Variants in PRRC2B observed in about 807,000 individuals in gnomAD.
PRRC2B encodes proline rich coiled-coil 2B.
Under a neutral mutation model 242.3 loss-of-function variants are expected in PRRC2B, and 68 were observed. That is an observed-to-expected ratio of 0.28 (90% CI 0.23 to 0.34). The LOEUF is 0.34. PRRC2B is among the 10% of genes least tolerant of loss of function. The pLI is 1.00. For synonymous variants in PRRC2B, 1,228 were observed against 1,173.6 expected, an observed-to-expected ratio of 1.05 and a Z score of -0.95; for missense variants, 2,835 against 2,954.8, an observed-to-expected ratio of 0.96 and a Z score of 0.94.
intron 1 of PRRC2B, among the ~76,000 whole-genome samples, chr9:131,398,946 C>T (rs1451875711): frequency 6.6e-6 from 1 of 152,012 alleles, no homozygotes; most frequent in East Asian, 1.9e-4. Context: ...CCACTGCACT[C>T]TAGCCTGGGC....
chr9:131,399,361 C>T (rs890706313), intron 1 of PRRC2B, among the ~76,000 whole-genome samples: 10 of 150,824 alleles, frequency 6.6e-5, no homozygotes, highest in Admixed American at 2.0e-4. Context: ...GGGCGGATCA[C>T]GAGGTCAGGA....
rs1944420306 is a variant in PRRC2B at position 131,499,844 on chromosome 9, T to TA, written c.*3976dup. On this transcript the variant is annotated 3_prime_UTR_variant, in exon 32 of 32. Coordinates refer to ENST00000683519, the MANE Select transcript of PRRC2B (RefSeq NM_013318.4). The stretch of plus-strand genomic sequence containing the variant: ...GCTTTTGACCTCATGCCTTGTGTAG[T>TA]AAAAAAGGATTTGGGGGTTTTGTTT... 6.6e-6 allele frequency: 1 copy of TA among 152,254 alleles called. No homozygotes were observed. The highest frequency in any genetic ancestry group is 1.5e-5 in the Non-Finnish European group (1 of 68,044). The allele number at this position is 152,254 out of a possible 1,614,324, so 9.4% of individuals were successfully genotyped here. A position where few individuals can be genotyped will look rare whatever the true frequency, so the allele number is the denominator to read the frequency against.
rs538838353 is a variant in PRRC2B, at chr9:131,475,724, C to T, written c.3595C>T (p.Arg1199Trp). 41 of 1,613,222 alleles carry T rather than the reference C, an allele frequency of 2.5e-5. No individual in the cohort carries two copies. In the East Asian group the frequency reaches 7.1e-4, roughly 28 times the overall value. ...SGLDAKSRGPRAFGRALPPRL... is the reference protein window; with the variant it reads ...SGLDAKSRGPWAFGRALPPRL... ...TCTAGATGCCAAGAGCCGAGGCCCTCGGGCCTTTGGGCGAGCCCTCCCTCC... is the reference window on the plus strand; with the variant it reads ...TCTAGATGCCAAGAGCCGAGGCCCTTGGGCCTTTGGGCGAGCCCTCCCTCC... Residue 1199 changes from arginine (R) to tryptophan (W), a missense_variant, in exon 16 of 32, where the codon CGG becomes TGG. Coordinates refer to ENST00000683519, the MANE Select transcript of PRRC2B (RefSeq NM_013318.4).
At chr9:131,407,224 A>G (rs955476923) in intron 1 of PRRC2B, among the ~76,000 whole-genome samples, 2 of 151,556 alleles carry the variant, frequency 1.3e-5, no homozygotes, top group Non-Finnish European at 2.9e-5. Context: ...TGCTGTTGAC[A>G]TGGTTGGAGG....
intron 1 of PRRC2B, among the ~76,000 whole-genome samples, chr9:131,415,581 A>G (rs779871805): frequency 1.2e-4 from 19 of 152,002 alleles, no homozygotes; most frequent in Non-Finnish European, 2.6e-4. Context: ...GTCCTTATGT[A>G]GGTCTGAAAA....
intron 14 of PRRC2B, among the ~76,000 whole-genome samples, chr9:131,472,366 G>A (rs1325171336): frequency 2.0e-5 from 3 of 151,910 alleles, no homozygotes; most frequent in African/African-American, 4.8e-5. Flanking sequence ...GTGCAGTGGT[G>A]CAATTTCAAC....
intron 1 of PRRC2B, among the ~76,000 whole-genome samples, chr9:131,420,780 G>T (rs1204922016): frequency 6.6e-6 from 1 of 151,924 alleles, no homozygotes; most frequent in Non-Finnish European, 1.5e-5. Flanking sequence ...GCCACACCTG[G>T]CCTACCCTTG....
intron 1 of PRRC2B, among the ~76,000 whole-genome samples, chr9:131,409,568 C>T (rs1019412987): frequency 2.6e-5 from 4 of 152,186 alleles, no homozygotes; most frequent in African/African-American, 9.6e-5. Context: ...AGGTAACTCG[C>T]ATGCATTTCA....
intron 5 of PRRC2B, among the ~76,000 whole-genome samples, chr9:131,443,748 C>G (rs999329526): frequency 1.3e-5 from 2 of 152,254 alleles, no homozygotes; most frequent in South Asian, 4.1e-4. Flanking sequence ...CATCTTAATC[C>G]TTTTGGGGTG....
At chr9:131,430,793 A>ATGTTAGTGAGGC (rs1838141164) in intron 2 of PRRC2B, among the ~76,000 whole-genome samples, 1 of 150,264 alleles carries the variant, frequency 6.7e-6, no homozygotes. Context: ...GGGTTTCCCC[A>ATGTTAGTGAGGC]TGTTAGTGAG....
chr9:131,487,134 G>T lies in PRRC2B; in HGVS notation c.5857-33G>T, dbSNP rs1244905186. On this transcript the variant is annotated intron_variant, in intron 26 of 31. Coordinates refer to ENST00000683519, the MANE Select transcript of PRRC2B (RefSeq NM_013318.4). This position sits in a 1 kb window ranked among gnomAD's most constrained non-coding sequence, Gnocchi z 5.3. ...AAGAACCACCTGGATGGGCCTTGCG[G>T]TTACCTCCCCGACCCCGTTTTCCCG... 1 of 1,609,774 alleles carries T rather than the reference G, an allele frequency of 6.2e-7. No individual in the cohort carries two copies.
In PRRC2B at chr9:131,476,888, C is replaced by G. The variant is rs894299637; in HGVS notation, c.4406+353C>G. ...GTGCCGGTCAGTCCACCAGAGTCCT[C>G]TGCTCCGGAGTTGCTGCCAGGCGGC... On this transcript the variant is annotated intron_variant, in intron 16 of 31. Coordinates refer to ENST00000683519, the MANE Select transcript of PRRC2B (RefSeq NM_013318.4). 2.0e-5 allele frequency among the ~76,000 whole-genome samples: 3 copies of G among 152,218 alleles called. No individual in the cohort carries two copies. In the East Asian group the frequency reaches 5.8e-4, roughly 29 times the overall value.
chr9:131,443,126 ATT>A (rs1212154631), intron 5 of PRRC2B, among the ~76,000 whole-genome samples: 21 of 126,642 alleles, frequency 1.7e-4, no homozygotes, highest in Non-Finnish European at 1.6e-4. Context: ...ATTTTATTTT[ATT>A]TTATTTTATT....
At chr9:131,374,104 G>A (rs1387453540) in intron 1 of PRRC2B, among the ~76,000 whole-genome samples, 1 of 150,772 alleles carries the variant, frequency 6.6e-6, no homozygotes, top group East Asian at 1.9e-4. Flanking sequence ...AAAAGGTAAC[G>A]TTTGAGGTAA....
At chr9:131,477,292 G>A (rs1411673222) in intron 16 of PRRC2B, among the ~76,000 whole-genome samples, 4 of 152,188 alleles carry the variant, frequency 2.6e-5, no homozygotes, top group Non-Finnish European at 5.9e-5. Context: ...GAAACTCCCA[G>A]AGAAGGAGCC....
Position 131,459,219 on chromosome 9 carries a change from G to A in PRRC2B, c.1267G>A (p.Ala423Thr), listed in dbSNP as rs769781507. 1.9e-6 allele frequency: 3 copies of A among 1,614,008 alleles called. No individual in the cohort carries two copies. Among genetic ancestry groups the A allele is most frequent in the Non-Finnish European group, 2.5e-6 (3 of 1,179,892 alleles). The change falls in exon 11 of 32, where the codon GCG becomes ACG. Residue 423 changes from alanine (A) to threonine (T), a missense_variant. This residue lies in a region of PRRC2B where 626 missense variants were observed against 685.5 expected (regional missense o/e 0.91). Coordinates refer to ENST00000683519, the MANE Select transcript of PRRC2B (RefSeq NM_013318.4). ...GTTGTCAATGAGCTCTGCAGACAGT[G>A]CGGACGCTAAGCGGACTCGAGAGGA... ...RQLSMSSADS[A>T]DAKRTREEGK...
upstream of PRRC2B, among the ~76,000 whole-genome samples, chr9:131,390,610 G>A (rs1166898490): frequency 1.4e-5 from 2 of 146,670 alleles, no homozygotes; most frequent in Non-Finnish European, 3.0e-5. Flanking sequence ...AGCCTCCCGA[G>A]TAGCTGGGAC....
chr9:131,387,653 C>G (rs1355079349), intron 1 of PRRC2B, among the ~76,000 whole-genome samples: 1 of 149,502 alleles, frequency 6.7e-6, no homozygotes, highest in Non-Finnish European at 1.5e-5. Context: ...ATCTCCTCCA[C>G]TTCCCAAACT....
At position 131,478,490 on chromosome 9, in the gene PRRC2B, T is replaced by C. The variant is rs551831449; in HGVS notation, c.4629T>C (p.Asn1543=). Residue 1543 remains asparagine (N), a synonymous_variant, in exon 18 of 32, where the codon AAT becomes AAC. Transcript: ENST00000683519. Reference sequence around the variant, plus strand: ...TTGGTTCAGGTGCCATCATTGAAAATTGCGGGTCCAGCCCCGGGGAGGAGA... The same window carrying C: ...TTGGTTCAGGTGCCATCATTGAAAACTGCGGGTCCAGCCCCGGGGAGGAGA... ...DLNYGSAIIE[N]CGSSPGEESE... is the part of the protein sequence containing the mutation. The C allele has an allele frequency of 1.2e-6, 2 of 1,613,342 alleles. No individual in the cohort carries two copies. Among genetic ancestry groups the C allele is most frequent in the Admixed American group, 3.3e-5 (2 of 60,004 alleles).
Sources: allele counts gnomAD v4.1 joint callset (sites outside exome capture counted in the v4.1 genomes callset), GRCh38; gene constraint gnomAD v4.1.1; regional missense constraint gnomAD v4.1.1; non-coding constraint Gnocchi (gnomAD v3.1); transcripts MANE v1.5; gene names NCBI Gene and HGNC (gene_info 2026-07-23, HGNC 2026-07-21).